The following DACH2 variants were observed in gnomAD, a reference collection of about 807,000 sequenced individuals.
The protein encoded by DACH2 is dachshund family transcription factor 2.
A neutral mutation model predicts 35.8 loss-of-function variants in DACH2; 17 were observed. The ratio of observed to expected loss-of-function variants is 0.48; its 90% confidence interval spans 0.33 to 0.71. The LOEUF (loss-of-function observed/expected upper bound fraction) is 0.71. DACH2 is among the 30% of genes least tolerant of loss of function. DACH2 has a pLI of 0.02. For missense variants in DACH2, 469 were observed against 472.7 expected (o/e 0.99, Z 0.07); for synonymous variants, 195 against 177.3 (o/e 1.10, Z -0.79).
intron 1 of DACH2, among the ~76,000 whole-genome samples, chrX:86,165,445 A>C (rs2147868116): frequency 9.0e-6 from 1 of 111,480 alleles, no homozygotes; most frequent in East Asian, 2.8e-4. Context: ...CATTTCCGCC[A>C]ACAATGTACG....
intron 7 of DACH2, among the ~76,000 whole-genome samples, chrX:86,803,791 A>G (rs2042317401): frequency 9.0e-6 from 1 of 110,815 alleles, no homozygotes; most frequent in Non-Finnish European, 1.9e-5. Flanking sequence ...ATTATATTGT[A>G]TATTAAATGG....
rs369946446 is a variant in DACH2, at chrX:86,601,698, C to T, written c.641-49338C>T. ...ATTAATATTTTATGTTTGTTTATCT[C>T]ATTCATTATAACCATTTGATCATTA... On this transcript the variant is annotated intron_variant, in intron 3 of 11. Transcript: ENST00000373125. Among the ~76,000 whole-genome samples the T allele has an allele frequency of 2.5e-4, 28 of 112,309 alleles. No homozygotes were observed. The East Asian group carries it at 2.5e-3, about 10-fold the overall frequency.
At chrX:86,698,815 C>T (rs2041105479) in intron 5 of DACH2, among the ~76,000 whole-genome samples, 1 of 110,095 alleles carries the variant, frequency 9.1e-6, no homozygotes, top group African/African-American at 3.3e-5. Flanking sequence ...GGAATACAGG[C>T]ATGAGCCACC....
At chrX:86,710,323 A>G (rs934043689) in intron 5 of DACH2, among the ~76,000 whole-genome samples, 3 of 112,227 alleles carry the variant, frequency 2.7e-5, no homozygotes, top group African/African-American at 9.7e-5. Context: ...GCAAATCTAT[A>G]CAGCCTAAAA....
intron 1 of DACH2, among the ~76,000 whole-genome samples, chrX:86,167,923 T>C (rs1007366990): frequency 4.5e-5 from 5 of 111,894 alleles, no homozygotes; most frequent in African/African-American, 1.3e-4. Context: ...TATTTCAAGT[T>C]TTTTGAATGT....
chrX:86,599,786 A>T (rs1216156617), intron 3 of DACH2, among the ~76,000 whole-genome samples: 1 of 110,617 alleles, frequency 9.0e-6, no homozygotes, highest in African/African-American at 3.3e-5. Context: ...ATGAGCCACC[A>T]TGCCCAGCCA....
chrX:86,307,732 A>C (rs1274897269), intron 1 of DACH2, among the ~76,000 whole-genome samples: 1 of 111,275 alleles, frequency 9.0e-6, no homozygotes, highest in East Asian at 2.9e-4. Flanking sequence ...GGGCCCCTAG[A>C]GGTGAGGTTG....
intron 1 of DACH2, among the ~76,000 whole-genome samples, chrX:86,353,348 T>C (rs62593930): frequency 0.019 from 3 of 155 alleles, 1 homozygote; most frequent in Non-Finnish European, 0.031. Flanking sequence ...CTCTGTGTCT[T>C]TTAATTGCAG....
At chrX:86,211,644 G>A (rs958411905) in intron 1 of DACH2, among the ~76,000 whole-genome samples, 5 of 111,341 alleles carry the variant, frequency 4.5e-5, no homozygotes, top group African/African-American at 1.6e-4. Context: ...TTCAAGTTCA[G>A]GAATTTGACA....
intron 3 of DACH2, among the ~76,000 whole-genome samples, chrX:86,591,611 C>A (rs1299207493): frequency 9.6e-6 from 1 of 103,930 alleles, no homozygotes; most frequent in Non-Finnish European, 1.9e-5. Flanking sequence ...AATTTCTGCT[C>A]ACTGCAACCT....
At chrX:86,195,634 A>T (rs770338943) in intron 1 of DACH2, among the ~76,000 whole-genome samples, 1 of 112,268 alleles carries the variant, frequency 8.9e-6, no homozygotes, top group Non-Finnish European at 1.9e-5. Context: ...GCAAATAAGG[A>T]CAAGTCCCTT....
intron 7 of DACH2, among the ~76,000 whole-genome samples, chrX:86,805,385 A>ACGAAAT (rs1458187606): frequency 3.6e-5 from 4 of 112,666 alleles, no homozygotes; most frequent in Admixed American, 9.3e-5. Context: ...GGCCTGGCCC[A>ACGAAAT]CGAAATCATG....
intron 6 of DACH2, among the ~76,000 whole-genome samples, chrX:86,732,357 T>C (rs903633936): frequency 1.8e-5 from 2 of 112,345 alleles, no homozygotes; most frequent in Admixed American, 1.9e-4. Flanking sequence ...TACTCTGTTA[T>C]ATTGCTTTGT....
chrX:86,584,351 C>A (rs968105512), intron 3 of DACH2, among the ~76,000 whole-genome samples: 2 of 110,176 alleles, frequency 1.8e-5, no homozygotes, highest in African/African-American at 3.3e-5. Context: ...ATTTCTGATA[C>A]CTTTGCCATT....
chrX:86,627,982 G>A (rs2040156884), intron 3 of DACH2, among the ~76,000 whole-genome samples: 2 of 112,210 alleles, frequency 1.8e-5, no homozygotes, highest in African/African-American at 6.5e-5. Context: ...CAGGCAGAAT[G>A]TGATTGTGAA....
rs760030069 is a variant in DACH2 at position 86,594,927 on chromosome X, C to T, written c.641-56109C>T. Among the ~76,000 whole-genome samples the T allele has an allele frequency of 2.7e-5, 3 of 111,384 alleles. No homozygotes were observed. In the East Asian group the frequency reaches 8.5e-4, roughly 32 times the overall value. Reference sequence around the variant, plus strand: ...CATTTTTTTACCCTTGAAATTTTATCAGTTTTGCCTCATGTATCTTGTGCT... The same window carrying T: ...CATTTTTTTACCCTTGAAATTTTATTAGTTTTGCCTCATGTATCTTGTGCT... On this transcript the variant is annotated intron_variant, in intron 3 of 11. Transcript: ENST00000373125.
intron 3 of DACH2, among the ~76,000 whole-genome samples, chrX:86,572,184 T>C (rs1280526943): frequency 2.7e-5 from 3 of 110,994 alleles, no homozygotes; most frequent in Non-Finnish European, 5.7e-5. Flanking sequence ...ACGGCACATG[T>C]ATACATATGT....
chrX:86,608,134 G>A (rs2039884428), intron 3 of DACH2, among the ~76,000 whole-genome samples: 1 of 111,052 alleles, frequency 9.0e-6, no homozygotes, highest in Non-Finnish European at 1.9e-5. Context: ...CTCAAAAGAA[G>A]ACATTTATGC....
intron 2 of DACH2, among the ~76,000 whole-genome samples, chrX:86,459,046 AAT>A (rs2037523524): frequency 8.9e-6 from 1 of 111,947 alleles, no homozygotes; most frequent in Non-Finnish European, 1.9e-5. Context: ...TTAAAGAAAA[AAT>A]AGAGATTAAA....
Sources: gnomAD v4.1 joint callset for allele counts (sites outside exome capture counted in the v4.1 genomes callset) on GRCh38, gnomAD v4.1.1 for gene constraint, MANE v1.5 for transcripts, NCBI Gene and HGNC (gene_info 2026-07-23, HGNC 2026-07-21) for gene names.